Variants in SRPX2 observed in about 807,000 individuals in gnomAD.
SRPX2 encodes the protein sushi repeat containing protein X-linked 2.
In SRPX2, 26 loss-of-function variants were observed where a neutral mutation model predicts 45.3. The observed-to-expected ratio is 0.57, with a 90% CI of 0.42 to 0.80. The LOEUF is 0.80. SRPX2 is among the 30% of genes least tolerant of loss of function. The pLI, the probability that SRPX2 is intolerant of heterozygous loss-of-function variation, is 0.00. For synonymous variants in SRPX2, 125 were observed against 143.7 expected (o/e 0.87, Z 0.93); for missense variants, 355 against 399.8 (o/e 0.89, Z 0.95).
At chrX:100,647,215 C>T (rs1241815468) in intron 2 of SRPX2, among the ~76,000 whole-genome samples, 12 of 111,546 alleles carry the variant, frequency 1.1e-4, no homozygotes, top group Admixed American at 5.7e-4. Context: ...CACAGGGGCC[C>T]GTGGGGAGTA....
At chrX:100,647,109 A>C (rs1029483869) in intron 2 of SRPX2, among the ~76,000 whole-genome samples, 3 of 111,981 alleles carry the variant, frequency 2.7e-5, no homozygotes, top group African/African-American at 9.7e-5. Flanking sequence ...GGAAGGGATG[A>C]GGGCAGGATA....
At chrX:100,647,202 C>A (rs1021809319) in intron 2 of SRPX2, among the ~76,000 whole-genome samples, 1 of 111,979 alleles carries the variant, frequency 8.9e-6, no homozygotes, top group Non-Finnish European at 1.9e-5. Flanking sequence ...CAGTGTCTGC[C>A]CTCACAGGGG....
chrX:100,667,528 A>C, intron 9 of SRPX2, 121 bp downstream of exon 9: 19 of 917,497 alleles, frequency 2.1e-5, no homozygotes, highest in Non-Finnish European at 3.0e-5. Flanking sequence ...TGTGGATAGC[A>C]TTTGATCAGT....
intron 2 of SRPX2, among the ~76,000 whole-genome samples, chrX:100,650,427 T>G (rs5967161): frequency 0.12 from 13,531 of 111,597 alleles, 783 homozygotes; most frequent in Middle Eastern, 0.25. Context: ...TAGTCCCCAG[T>G]GTCTTACCAA....
chrX:100,669,323 C>T lies in SRPX2; in HGVS notation c.1171C>T (p.Arg391Cys), dbSNP rs924643530. Residue 391 changes from arginine (R) to cysteine (C), a missense_variant, in exon 10 of 11, where the codon CGC (arginine) becomes TGC (cysteine). Arg to Cys is a radical substitution (Grantham distance 180). Coordinates refer to ENST00000373004, the MANE Select transcript of SRPX2 (RefSeq NM_014467.3). ...GGGACAGCCACCTCAGGAGGTGGGG[C>T]GCATCCGGGAGCAACAGCTGTCAGC... Reference protein sequence around the residue: ...LVGQPPQEVGRIREQQLSANI... With the variant: ...LVGQPPQEVGCIREQQLSANI... 8.3e-7 allele frequency: 1 copy of T among 1,200,961 alleles called. No homozygotes were observed. Among genetic ancestry groups the T allele is most frequent in the African/African-American group, 1.8e-5 (1 of 55,543 alleles).
At position 100,671,104 on chromosome X, in the gene SRPX2, G is replaced by C; in HGVS notation, c.*117G>C. 3 of 861,831 alleles carry C rather than the reference G, an allele frequency of 3.5e-6. No individual in the cohort carries two copies. Among genetic ancestry groups the C allele is most frequent in the Non-Finnish European group, 5.0e-6 (3 of 605,344 alleles). The allele number at this position is 861,831 out of a possible 1,213,427, so 71.0% of individuals were successfully genotyped here. Reference sequence around the variant, plus strand: ...GTTCTAGGGACAGGACTCTGAGGTGGGTGAGTTTGACAAATCCTGCGGTGT... The same window carrying C: ...GTTCTAGGGACAGGACTCTGAGGTGCGTGAGTTTGACAAATCCTGCGGTGT... On this transcript the variant is annotated 3_prime_UTR_variant, in exon 11 of 11. Transcript: ENST00000373004.
chrX:100,661,165 G>A (rs2083185885), intron 3 of SRPX2, among the ~76,000 whole-genome samples: 1 of 111,662 alleles, frequency 9.0e-6, no homozygotes, highest in African/African-American at 3.3e-5. Context: ...GGTATTACCA[G>A]TTTTTTTTAA....
At position 100,666,750 on chromosome X, in the gene SRPX2, A is replaced by G; in HGVS notation, c.782-4A>G. On this transcript the variant is annotated splice_polypyrimidine_tract_variant and splice_region_variant and intron_variant, in intron 7 of 10. Transcript: ENST00000373004. ...AACTTCTAACTTGAGCTCCTCCCTGACAGTGAGACGCTGCCCAACTCTGAA... is the reference window on the plus strand; with the variant it reads ...AACTTCTAACTTGAGCTCCTCCCTGGCAGTGAGACGCTGCCCAACTCTGAA... 1 of 1,212,108 alleles carries G rather than the reference A, an allele frequency of 8.3e-7. No homozygotes were observed. Among genetic ancestry groups the G allele is most frequent in the Non-Finnish European group, 1.1e-6 (1 of 895,540 alleles).
At chrX:100,646,462 C>T in intron 2 of SRPX2, 58 bp downstream of exon 2, 1 of 1,034,353 alleles carries the variant, frequency 9.7e-7, no homozygotes, top group South Asian at 1.9e-5. Context: ...TAGACCAAGA[C>T]TTGGAGAAGG....
intron 3 of SRPX2, among the ~76,000 whole-genome samples, chrX:100,651,940 C>A (rs2083154993): frequency 9.0e-6 from 1 of 111,545 alleles, no homozygotes; most frequent in Admixed American, 9.5e-5. Flanking sequence ...GGAAGTTAGG[C>A]CAGGTGGTAT....
At chrX:100,665,131 T>C (rs1419820235) in intron 5 of SRPX2, 112 bp from the exon 6 acceptor site, 1 of 1,120,080 alleles carries the variant, frequency 8.9e-7, no homozygotes, top group East Asian at 3.2e-5. Flanking sequence ...CCAGTTTCCT[T>C]GAGCACCTTG....
chrX:100,651,007 T>A (rs2083151376), intron 3 of SRPX2, 142 bp downstream of exon 3: 1 of 487,777 alleles, frequency 2.1e-6, no homozygotes, highest in African/African-American at 2.4e-5. Context: ...TTTCTCATCA[T>A]GAACTTGGTT....
rs931960040 is a variant in SRPX2 at position 100,674,084 on chromosome X, C to A, written c.*3097C>A. 1 of 111,340 alleles carries A rather than the reference C, an allele frequency of 9.0e-6. No individual in the cohort carries two copies. The highest frequency in any genetic ancestry group is 3.3e-5 in the African/African-American group (1 of 30,526). The allele number at this position is 111,340 out of a possible 1,213,427, so 9.2% of individuals were successfully genotyped here. A position where few individuals can be genotyped will look rare whatever the true frequency, so the allele number is the denominator to read the frequency against. On this transcript the variant is annotated 3_prime_UTR_variant, in exon 11 of 11. Transcript: ENST00000373004. The stretch of plus-strand genomic sequence containing the variant: ...TAGGAGGAGTAAAAGAAAAAGTCCC[C>A]GCCTCCCAGAGAAATTGAAGGATCC...
At chrX:100,656,458 C>T (rs1388667157) in intron 3 of SRPX2, among the ~76,000 whole-genome samples, 3 of 111,673 alleles carry the variant, frequency 2.7e-5, no homozygotes, top group African/African-American at 9.8e-5. Context: ...AAACTCTCTT[C>T]ATCCCCTCTG....
At chrX:100,647,321 G>T (rs1048812162) in intron 2 of SRPX2, among the ~76,000 whole-genome samples, 5 of 112,765 alleles carry the variant, frequency 4.4e-5, no homozygotes, top group Non-Finnish European at 9.4e-5. Flanking sequence ...AGTCCCTGCA[G>T]CTAAAATTTT....
chrX:100,660,686 C>G lies in SRPX2; in HGVS notation c.164-1490C>G, dbSNP rs188668018. ...CTACTAAAAATACAAAAATTAAATA[C>G]AAAAATTAGCTGGGCGTGGTGGCAG... On this transcript the variant is annotated intron_variant, in intron 3 of 10. Transcript: ENST00000373004. Among the ~76,000 whole-genome samples, 41 of 110,549 alleles carry G rather than the reference C, an allele frequency of 3.7e-4. No homozygotes were observed. In the East Asian group the frequency reaches 0.011, roughly 29 times the overall value.
intron 3 of SRPX2, among the ~76,000 whole-genome samples, chrX:100,656,406 T>C (rs549263230): frequency 9.0e-6 from 1 of 111,409 alleles, no homozygotes. Flanking sequence ...CTATCAAACA[T>C]TAGAATTTAT....
chrX:100,662,778 C>G (rs151179769), intron 4 of SRPX2, among the ~76,000 whole-genome samples: 3,016 of 112,317 alleles, frequency 0.027, 51 homozygotes, highest in African/African-American at 0.059. Context: ...AGCTGTGAAA[C>G]ATGTGCTATT....
At chrX:100,665,493 AG>A (rs757817539) in intron 6 of SRPX2, 42 bp from the exon 7 acceptor site, 18 of 1,209,191 alleles carry the variant, frequency 1.5e-5, no homozygotes, top group Admixed American at 2.2e-5. Context: ...TTCAATTCTA[AG>A]GGTCTCTTTC....
Sources: allele counts gnomAD v4.1 joint callset (sites outside exome capture counted in the v4.1 genomes callset), GRCh38; gene constraint gnomAD v4.1.1; transcripts MANE v1.5; gene names NCBI Gene and HGNC (gene_info 2026-07-23, HGNC 2026-07-21).